The following SCOC variants were observed in gnomAD, a reference collection of about 807,000 sequenced individuals.
The protein encoded by SCOC is short coiled coil protein.
Under a neutral mutation model 9.9 loss-of-function variants are expected in SCOC, and 7 were observed. That is an observed-to-expected ratio of 0.71 (90% CI 0.40 to 1.33). The LOEUF is 1.33. Among genes scored for constraint, SCOC ranks in the 40% most tolerant of loss-of-function variants. The pLI is 0.01. For missense variants in SCOC, 66 were observed against 89.7 expected, an observed-to-expected ratio of 0.74 and a Z score of 1.07; for synonymous variants, 19 against 28.2, an observed-to-expected ratio of 0.67 and a Z score of 1.03.
chr4:140,289,380 T>G (rs1002620780), intron 1 of SCOC, among the ~76,000 whole-genome samples: 9 of 152,200 alleles, frequency 5.9e-5, no homozygotes, highest in African/African-American at 1.9e-4. Flanking sequence ...CAAGGCTGGC[T>G]GCTTTTGGAT....
At chr4:140,313,309 G>A (rs1175572709) in intron 1 of SCOC, among the ~76,000 whole-genome samples, 2 of 152,256 alleles carry the variant, frequency 1.3e-5, no homozygotes, top group Middle Eastern at 3.4e-3. Flanking sequence ...GCAATGGCGC[G>A]ATCTAGCTCA....
chr4:140,334,781 C>G (rs1316291924), intron 1 of SCOC, among the ~76,000 whole-genome samples: 1 of 152,106 alleles, frequency 6.6e-6, no homozygotes, highest in Non-Finnish European at 1.5e-5. Context: ...CCATTCTACT[C>G]TCTGATTCCA....
rs113953546 is a variant in SCOC at position 140,272,934 on chromosome 4, A to G, written c.-19+15524A>G. ...TCTGATTATGGAAAAATATCCATTC[A>G]GTGCCTTTCAAATTCTCCGAAGGCC... On this transcript the variant is annotated intron_variant, in intron 1 of 4. Coordinates refer to the SCOC transcript ENST00000394205. Among the ~76,000 whole-genome samples the G allele has an allele frequency of 2.9e-3, 446 of 152,362 alleles. 4 individuals are homozygous for G. The highest frequency in any genetic ancestry group is 0.014 in the Middle Eastern group (4 of 294).
At chr4:140,380,928 T>G (rs1194446507) in intron 3 of SCOC, 34 bp from the exon 4 acceptor site, 7 of 1,423,680 alleles carry the variant, frequency 4.9e-6, no homozygotes, top group Non-Finnish European at 6.6e-6. Context: ...TGTCATTGTT[T>G]TATTGATAAT....
intron 1 of SCOC, among the ~76,000 whole-genome samples, chr4:140,279,439 G>A (rs549930086): frequency 6.6e-6 from 1 of 152,226 alleles, no homozygotes; most frequent in East Asian, 1.9e-4. Context: ...TGAAGTGATT[G>A]GCACATGGCA....
chr4:140,341,048 G>A (rs534719213), upstream of SCOC, among the ~76,000 whole-genome samples: 6 of 151,530 alleles, frequency 4.0e-5, no homozygotes, highest in African/African-American at 1.2e-4. Context: ...CACCCGCCTC[G>A]GCCTCCCAAA....
intron 2 of SCOC, among the ~76,000 whole-genome samples, chr4:140,350,192 G>A (rs1560713802): frequency 6.6e-6 from 1 of 152,230 alleles, no homozygotes; most frequent in East Asian, 1.9e-4. Flanking sequence ...GATCTTCCCA[G>A]GCTGTGTTAG....
upstream of SCOC, among the ~76,000 whole-genome samples, chr4:140,343,152 A>G (rs993160808): frequency 6.6e-6 from 1 of 152,118 alleles, no homozygotes; most frequent in Non-Finnish European, 1.5e-5. Flanking sequence ...TTATCCTCAT[A>G]TTACAGATAG....
intron 2 of SCOC, among the ~76,000 whole-genome samples, chr4:140,363,379 G>A (rs1578863302): frequency 6.6e-6 from 1 of 152,134 alleles, no homozygotes; most frequent in Non-Finnish European, 1.5e-5. Flanking sequence ...AAAATTTTTT[G>A]GAGATTGTGA....
chr4:140,287,043 T>C (rs566562846), intron 1 of SCOC, among the ~76,000 whole-genome samples: 137 of 147,290 alleles, frequency 9.3e-4, no homozygotes, highest in African/African-American at 3.3e-3. Context: ...GTACACACAC[T>C]CTACACACAC....
At chr4:140,259,038 A>G (rs1730572036) in intron 1 of SCOC, among the ~76,000 whole-genome samples, 2 of 152,242 alleles carry the variant, frequency 1.3e-5, no homozygotes, top group Admixed American at 6.5e-5. Context: ...CGTCTCTTTC[A>G]TAGCAGCATT....
In SCOC at chr4:140,269,811, C is replaced by T. The variant is rs540917455; in HGVS notation, c.-19+12401C>T. 1.1e-4 allele frequency among the ~76,000 whole-genome samples: 17 copies of T among 152,070 alleles called. 1 individual carries two copies. In the South Asian group the frequency reaches 2.1e-3, roughly 19 times the overall value. On this transcript the variant is annotated intron_variant, in intron 1 of 4. Coordinates refer to the SCOC transcript ENST00000394205. ...TGTCACCCAGGCTGGAGTGCAGTGG[C>T]GCCATCATAACTCACTGTAACCTTA...
upstream of SCOC, among the ~76,000 whole-genome samples, chr4:140,339,285 A>G (rs1274846004): frequency 1.3e-5 from 2 of 152,130 alleles, no homozygotes; most frequent in Non-Finnish European, 2.9e-5. Context: ...CTTACACCTT[A>G]CACAAAAATT....
intron 2 of SCOC, among the ~76,000 whole-genome samples, chr4:140,359,047 A>G (rs1727350161): frequency 6.6e-6 from 1 of 152,144 alleles, no homozygotes; most frequent in Non-Finnish European, 1.5e-5. Context: ...TTAAGAAACT[A>G]TTTGTTCTGT....
chr4:140,352,887 A>T (rs1048282784), intron 2 of SCOC, among the ~76,000 whole-genome samples: 1 of 152,088 alleles, frequency 6.6e-6, no homozygotes, highest in Non-Finnish European at 1.5e-5. Flanking sequence ...GTTATGGTGA[A>T]TTTTTTCCAG....
intron 1 of SCOC, among the ~76,000 whole-genome samples, chr4:140,268,460 C>T (rs546227316): frequency 6.6e-6 from 1 of 152,250 alleles, no homozygotes; most frequent in Non-Finnish European, 1.5e-5. Context: ...CAAAGCATAA[C>T]ATTATAATGT....
chr4:140,297,296 C>A (rs189431910), intron 1 of SCOC, among the ~76,000 whole-genome samples: 1 of 151,482 alleles, frequency 6.6e-6, no homozygotes, highest in East Asian at 1.9e-4. Context: ...TTGTCAGTAT[C>A]TGCTGCCGGA....
upstream of SCOC, among the ~76,000 whole-genome samples, chr4:140,343,065 T>C (rs1726565821): frequency 6.6e-6 from 1 of 152,174 alleles, no homozygotes; most frequent in South Asian, 2.1e-4. Flanking sequence ...CATATATGTA[T>C]GGCATATATG....
chr4:140,265,152 T>C (rs990473634), intron 1 of SCOC, among the ~76,000 whole-genome samples: 1 of 152,182 alleles, frequency 6.6e-6, no homozygotes, highest in African/African-American at 2.4e-5. Context: ...TTATTGAGGA[T>C]ATTAAAAGGC....
Sources: allele counts gnomAD v4.1 joint callset (sites outside exome capture counted in the v4.1 genomes callset), GRCh38; gene constraint gnomAD v4.1.1; transcripts MANE v1.5; gene names NCBI Gene and HGNC (gene_info 2026-07-23, HGNC 2026-07-21).